Variants in WDFY1 observed in about 807,000 individuals in gnomAD.
The protein encoded by WDFY1 is WD repeat and FYVE domain-containing protein 1.
A neutral mutation model predicts 56.4 loss-of-function variants in WDFY1; 32 were observed. That is an observed-to-expected ratio of 0.57 (90% CI 0.43 to 0.76). WDFY1 has a LOEUF of 0.76. Ranked by LOEUF, WDFY1 falls within the 30% of genes least tolerant of loss-of-function variation. The pLI is 0.00. For synonymous variants in WDFY1, 192 were observed against 197.3 expected (o/e 0.97, Z 0.23); for missense variants, 480 against 545.7 (o/e 0.88, Z 1.20).
chr2:223,909,223 G>A (rs1033197826), intron 3 of WDFY1, among the ~76,000 whole-genome samples: 12 of 152,106 alleles, frequency 7.9e-5, no homozygotes, highest in African/African-American at 1.4e-4. Context: ...GCATAGAGCC[G>A]GGGAATCTGT....
At chr2:223,911,495 A>G (rs1693699176) in intron 3 of WDFY1, among the ~76,000 whole-genome samples, 1 of 152,128 alleles carries the variant, frequency 6.6e-6, no homozygotes, top group African/African-American at 2.4e-5. Flanking sequence ...AAACTTGAAT[A>G]TCAGGTCCTT....
intron 8 of WDFY1, among the ~76,000 whole-genome samples, chr2:223,890,601 C>G (rs1278983605): frequency 6.6e-6 from 1 of 152,066 alleles, no homozygotes; most frequent in African/African-American, 2.4e-5. Flanking sequence ...TAAGAAGAAG[C>G]TTTCGTTTTG....
In WDFY1 at chr2:223,890,672, C is replaced by G. The variant is rs1473654738; in HGVS notation, c.831+3562G>C. Among the ~76,000 whole-genome samples, 3 of 152,146 alleles carry G rather than the reference C, an allele frequency of 2.0e-5. No homozygotes were observed. The East Asian group carries it at 5.8e-4, about 29-fold the overall frequency. On this transcript the variant is annotated intron_variant, in intron 8 of 11. Coordinates refer to ENST00000233055, the MANE Select transcript of WDFY1 (RefSeq NM_020830.5). ...TTATAATTGCTTCACTCTCTTTTCT[C>G]CATCTTTTTGCACCTGCCAAATCTG... is the stretch of plus-strand genomic sequence containing the variant.
chr2:223,911,054 A>G (rs964553815), intron 3 of WDFY1, among the ~76,000 whole-genome samples: 37 of 152,246 alleles, frequency 2.4e-4, no homozygotes, highest in African/African-American at 8.9e-4. Flanking sequence ...CAAATGCAGT[A>G]TAGAATGCTA....
chr2:223,926,155 A>G (rs889043959), intron 1 of WDFY1, among the ~76,000 whole-genome samples: 2 of 152,072 alleles, frequency 1.3e-5, no homozygotes, highest in Non-Finnish European at 2.9e-5. Flanking sequence ...TTATAAAAAA[A>G]TTTTCTTTTG....
chr2:223,877,913 A>C lies in WDFY1; in HGVS notation c.*758T>G, dbSNP rs1019750542. On this transcript the variant is annotated 3_prime_UTR_variant, in exon 12 of 12. Coordinates refer to ENST00000233055, the MANE Select transcript of WDFY1 (RefSeq NM_020830.5). ...AAGTCAGGCGGCTTGTGTGACTCCCATGTTAACAGCACCATAAAAAAGTTT... is the reference window on the plus strand; with the variant it reads ...AAGTCAGGCGGCTTGTGTGACTCCCCTGTTAACAGCACCATAAAAAAGTTT... The C allele has an allele frequency of 6.6e-6, 1 of 152,584 alleles. No homozygotes were observed. The highest frequency in any genetic ancestry group is 1.5e-5 in the Non-Finnish European group (1 of 68,024). The allele number at this position is 152,584 out of a possible 1,614,324, so 9.5% of individuals were successfully genotyped here.
chr2:223,891,958 G>A (rs548868791), intron 8 of WDFY1, among the ~76,000 whole-genome samples: 3 of 152,186 alleles, frequency 2.0e-5, no homozygotes, highest in Admixed American at 6.5e-5. Context: ...ATAGTATTAT[G>A]CATCCTATAA....
chr2:223,895,020 A>G (rs1404106711), intron 7 of WDFY1, among the ~76,000 whole-genome samples: 1 of 152,258 alleles, frequency 6.6e-6, no homozygotes, highest in Admixed American at 6.5e-5. Flanking sequence ...ATACAATGGT[A>G]TCACTCAGGT....
rs116334935 is a variant in WDFY1 at position 223,940,590 on chromosome 2, C to G, written c.137+4558G>C. Among the ~76,000 whole-genome samples the G allele has an allele frequency of 2.1e-3, 313 of 151,864 alleles. 3 individuals are homozygous for G. Among genetic ancestry groups the G allele is most frequent in the African/African-American group, 7.4e-3 (306 of 41,420 alleles). On this transcript the variant is annotated intron_variant, in intron 1 of 11. Transcript: ENST00000233055. ...GATCATATCATTTGCTTGTTTTGAACTCTTTGATGGTTCTACACTGCCTGC... is the reference window on the plus strand; with the variant it reads ...GATCATATCATTTGCTTGTTTTGAAGTCTTTGATGGTTCTACACTGCCTGC...
chr2:223,896,454 T>C (rs1693380611), intron 6 of WDFY1, among the ~76,000 whole-genome samples: 1 of 152,188 alleles, frequency 6.6e-6, no homozygotes, highest in Non-Finnish European at 1.5e-5. Flanking sequence ...TGTTGTACAC[T>C]ACATAATTAT....
At chr2:223,944,089 T>C (rs1197094410) in intron 1 of WDFY1, among the ~76,000 whole-genome samples, 1 of 152,244 alleles carries the variant, frequency 6.6e-6, no homozygotes, top group Non-Finnish European at 1.5e-5. Flanking sequence ...ATGAGTCACT[T>C]TCACAAAAAC....
Position 223,945,140 on chromosome 2 carries a change from G to A in WDFY1, c.137+8C>T. ...GTTCGGGCCGCCCCGGCTGCGCCCG[G>A]GCCCTACCTGTCCTCGCTGGCCGTG... On this transcript the variant is annotated splice_region_variant and intron_variant, in intron 1 of 11. Transcript: ENST00000233055. 6.3e-7 allele frequency: 1 copy of A among 1,586,014 alleles called. No homozygotes were observed. Among genetic ancestry groups the A allele is most frequent in the Non-Finnish European group, 8.5e-7 (1 of 1,171,700 alleles).
intron 4 of WDFY1, among the ~76,000 whole-genome samples, chr2:223,904,710 A>T (rs1693568388): frequency 6.6e-6 from 1 of 152,220 alleles, no homozygotes; most frequent in Admixed American, 6.5e-5. Context: ...TTTATCCACA[A>T]GCATTAAGTA....
intron 1 of WDFY1, among the ~76,000 whole-genome samples, chr2:223,927,896 G>T (rs1694012111): frequency 6.6e-6 from 1 of 152,040 alleles, no homozygotes; most frequent in South Asian, 2.1e-4. Context: ...ATATTGTTGT[G>T]TCTCAGGGAA....
At chr2:223,888,151 G>A (rs765807432) in intron 8 of WDFY1, among the ~76,000 whole-genome samples, 3 of 151,996 alleles carry the variant, frequency 2.0e-5, no homozygotes, top group Non-Finnish European at 4.4e-5. Context: ...GCACAATCAT[G>A]GCTCACTGCA....
chr2:223,943,945 G>C lies in WDFY1; in HGVS notation c.137+1203C>G, dbSNP rs1014516855. Among the ~76,000 whole-genome samples the C allele has an allele frequency of 1.2e-4, 19 of 152,356 alleles. 1 individual carries two copies. The highest frequency in any genetic ancestry group is 4.6e-4 in the African/African-American group (19 of 41,588). On this transcript the variant is annotated intron_variant, in intron 1 of 11. Coordinates refer to ENST00000233055, the MANE Select transcript of WDFY1 (RefSeq NM_020830.5). ...TGGGCGTCCAATGCAAGATGTCACA[G>C]TGCAAGAGAGGACTCTGTGTGCATG...
At position 223,891,382 on chromosome 2, in the gene WDFY1, C is replaced by CA. The variant is rs61587389; in HGVS notation, c.831+2851dup. 1.3e-3 allele frequency among the ~76,000 whole-genome samples: 77 copies of CA among 60,116 alleles called. 7 individuals carry two copies. Among genetic ancestry groups the CA allele is most frequent in the African/African-American group, 4.3e-3 (62 of 14,506 alleles). The allele number at this position is 60,116 out of a possible 152,430, so 39.4% of individuals were successfully genotyped here. Reference sequence around the variant, plus strand: ...TGAGTGACAGAGCTAGACTCCGTCTCAAAAAAAAAAAAAGCCCAAAAATCC... The same window carrying CA: ...TGAGTGACAGAGCTAGACTCCGTCTCAAAAAAAAAAAAAAGCCCAAAAATCC... On this transcript the variant is annotated intron_variant, in intron 8 of 11. Coordinates refer to ENST00000233055, the MANE Select transcript of WDFY1 (RefSeq NM_020830.5).
intron 6 of WDFY1, among the ~76,000 whole-genome samples, chr2:223,895,962 AG>A (rs1574763030): frequency 6.6e-6 from 1 of 151,938 alleles, no homozygotes; most frequent in East Asian, 1.9e-4. Context: ...GTTCAAGACT[AG>A]GCCTGGCCAA....
At chr2:223,938,609 A>C (rs567852168) in intron 1 of WDFY1, among the ~76,000 whole-genome samples, 1 of 152,204 alleles carries the variant, frequency 6.6e-6, no homozygotes, top group Non-Finnish European at 1.5e-5. Context: ...ACGAGACATT[A>C]ATCCATAAAG....
Sources: gnomAD v4.1 joint callset for allele counts (sites outside exome capture counted in the v4.1 genomes callset) on GRCh38, gnomAD v4.1.1 for gene constraint, MANE v1.5 for transcripts, NCBI Gene and HGNC (gene_info 2026-07-23, HGNC 2026-07-21) for gene names.